EPHB1: variants seen among roughly 807,000 people sequenced by gnomAD.
EPHB1 encodes the protein ephrin type-B receptor 1.
EPHB1 carries 30 observed loss-of-function variants against 94.4 expected under a neutral mutation model. The observed-to-expected ratio is 0.32, with a 90% confidence interval of 0.24 to 0.43. EPHB1 has a LOEUF of 0.43. Ranked by LOEUF, EPHB1 falls within the 20% of genes least tolerant of loss-of-function variation. The pLI, the probability that EPHB1 is intolerant of heterozygous loss-of-function variation, is 1.00. For synonymous variants in EPHB1, 522 were observed against 489.1 expected (o/e 1.07, Z -0.89); for missense variants, 1,055 against 1,308.3 (o/e 0.81, Z 2.99).
intron 1 of EPHB1, among the ~76,000 whole-genome samples, chr3:134,854,477 C>T (rs565154827): frequency 1.1e-4 from 17 of 152,162 alleles, no homozygotes; most frequent in African/African-American, 3.9e-4. Flanking sequence ...GCCATCAGCC[C>T]GCACTGAGGA....
At chr3:135,248,605 A>G (rs1943985756) in intron 14 of EPHB1, 96 bp downstream of exon 14, 1 of 1,303,142 alleles carries the variant, frequency 7.7e-7, no homozygotes, top group South Asian at 1.6e-5. Context: ...CGAATTTTTT[A>G]AAGAGTATCT....
intron 3 of EPHB1, among the ~76,000 whole-genome samples, chr3:135,091,623 G>A (rs1227936820): frequency 6.6e-6 from 1 of 152,174 alleles, no homozygotes; most frequent in Admixed American, 6.5e-5. Flanking sequence ...CCAAACTCTG[G>A]GGTGAGGAAG....
intron 12 of EPHB1, among the ~76,000 whole-genome samples, chr3:135,206,624 T>A (rs1942908167): frequency 6.6e-6 from 1 of 152,150 alleles, no homozygotes; most frequent in South Asian, 2.1e-4. Context: ...CCGAGGTGGG[T>A]GGATCACCTG....
intron 3 of EPHB1, among the ~76,000 whole-genome samples, chr3:134,967,704 T>G (rs188841864): frequency 6.2e-4 from 94 of 152,306 alleles, no homozygotes; most frequent in Admixed American, 7.8e-4. Context: ...AGAAATAAAT[T>G]GCTTTTTCTT....
chr3:135,233,840 G>T (rs1258668117), intron 12 of EPHB1, among the ~76,000 whole-genome samples: 1 of 152,196 alleles, frequency 6.6e-6, no homozygotes, highest in Non-Finnish European at 1.5e-5. Flanking sequence ...CAAGGCTTGG[G>T]ACTTGCACCC....
At chr3:135,249,870 CTGAGA>C (rs756015648) in intron 15 of EPHB1, among the ~76,000 whole-genome samples, 57 of 152,362 alleles carry the variant, frequency 3.7e-4, no homozygotes, top group Non-Finnish European at 5.7e-4. Context: ...CAGCAACAGT[CTGAGA>C]TATGTGGGGA....
intron 2 of EPHB1, among the ~76,000 whole-genome samples, chr3:134,928,308 T>G (rs964300497): frequency 5.3e-5 from 8 of 152,202 alleles, no homozygotes; most frequent in African/African-American, 1.9e-4. Context: ...CCATCACAGG[T>G]CTTCTCAGTG....
chr3:135,161,203 C>T (rs1941495161), intron 6 of EPHB1, among the ~76,000 whole-genome samples: 1 of 152,144 alleles, frequency 6.6e-6, no homozygotes, highest in Non-Finnish European at 1.5e-5. Flanking sequence ...AAGCAACTCT[C>T]TGCACATCAG....
chr3:134,972,981 C>T (rs987535754), intron 3 of EPHB1, among the ~76,000 whole-genome samples: 1 of 152,214 alleles, frequency 6.6e-6, no homozygotes, highest in African/African-American at 2.4e-5. Context: ...GCCTCAGCTG[C>T]CCATCTCTGG....
intron 3 of EPHB1, among the ~76,000 whole-genome samples, chr3:134,957,657 T>A (rs1339349977): frequency 6.6e-6 from 1 of 152,142 alleles, no homozygotes; most frequent in Non-Finnish European, 1.5e-5. Flanking sequence ...AGACTGACTG[T>A]CTGGGTGTTA....
intron 3 of EPHB1, among the ~76,000 whole-genome samples, chr3:134,963,458 A>T (rs771810641): frequency 6.6e-6 from 1 of 152,148 alleles, no homozygotes; most frequent in South Asian, 2.1e-4. Context: ...TAACCTGGGT[A>T]TGGAGCACAC....
At position 135,133,057 on chromosome 3, in the gene EPHB1, T is replaced by A. The variant is rs763303112; in HGVS notation, c.1297+8T>A. The A allele has an allele frequency of 1.1e-5, 17 of 1,569,400 alleles. No homozygotes were observed. The South Asian group carries it at 1.8e-4, about 16-fold the overall frequency. On this transcript the variant is annotated splice_region_variant and intron_variant, in intron 5 of 15. Transcript: ENST00000398015. Reference sequence around the variant, plus strand: ...TCACCACAAACCAAGCCGGTAAGTCTGGAGGCTTCTGTGCTCCTGTTTGGA... The same window carrying A: ...TCACCACAAACCAAGCCGGTAAGTCAGGAGGCTTCTGTGCTCCTGTTTGGA...
chr3:134,965,549 C>G (rs13068709), intron 3 of EPHB1, among the ~76,000 whole-genome samples: 1 of 152,152 alleles, frequency 6.6e-6, no homozygotes, highest in South Asian at 2.1e-4. Flanking sequence ...GCCTGGGTGA[C>G]AGAGTGAGAC....
chr3:135,253,505 G>C (rs71336015), intron 15 of EPHB1, among the ~76,000 whole-genome samples: 297 of 151,694 alleles, frequency 2.0e-3, no homozygotes, highest in African/African-American at 6.7e-3. Context: ...TCAGGTTTGT[G>C]AAAGATCAGA....
chr3:134,848,759 C>T (rs1478734790), intron 1 of EPHB1, among the ~76,000 whole-genome samples: 1 of 152,146 alleles, frequency 6.6e-6, no homozygotes, highest in Admixed American at 6.6e-5. Context: ...GGAGGGGATC[C>T]GGTAGGGGGA....
chr3:135,113,789 T>A (rs1446294770), intron 4 of EPHB1, among the ~76,000 whole-genome samples: 1 of 152,234 alleles, frequency 6.6e-6, no homozygotes, highest in African/African-American at 2.4e-5. Flanking sequence ...TAAACACTTG[T>A]TGCTTTAACT....
In EPHB1 at chr3:135,061,492, G is replaced by A. The variant is rs372426405; in HGVS notation, c.806-44956G>A. Among the ~76,000 whole-genome samples, 131 of 150,874 alleles carry A rather than the reference G, an allele frequency of 8.7e-4. 1 individual carries two copies. In the South Asian group the frequency reaches 0.018, roughly 21 times the overall value. ...TGGTTTTCCATTCCTGAGTTACTTCGCGTAGAATAATAGTCTCCAGTCTCA... is the reference window on the plus strand; with the variant it reads ...TGGTTTTCCATTCCTGAGTTACTTCACGTAGAATAATAGTCTCCAGTCTCA... On this transcript the variant is annotated intron_variant, in intron 3 of 15. Coordinates refer to ENST00000398015, the MANE Select transcript of EPHB1 (RefSeq NM_004441.5).
intron 1 of EPHB1, among the ~76,000 whole-genome samples, chr3:134,823,315 A>G (rs1156659313): frequency 1.3e-5 from 2 of 152,232 alleles, no homozygotes; most frequent in Non-Finnish European, 1.5e-5. Flanking sequence ...ACAGAAGGAC[A>G]GGAGAAAGAG....
chr3:134,894,081 G>A (rs1204221560), intron 1 of EPHB1, among the ~76,000 whole-genome samples: 1 of 152,194 alleles, frequency 6.6e-6, no homozygotes, highest in Non-Finnish European at 1.5e-5. Context: ...ACCAAGCTGA[G>A]CCTGTTTGGC....
Sources: gnomAD v4.1 joint callset for allele counts (sites outside exome capture counted in the v4.1 genomes callset) on GRCh38, gnomAD v4.1.1 for gene constraint, MANE v1.5 for transcripts, NCBI Gene and HGNC (gene_info 2026-07-23, HGNC 2026-07-21) for gene names.